CRIP2: variants seen among roughly 807,000 people sequenced by gnomAD.
CRIP2 encodes the protein cysteine-rich protein 2.
A neutral mutation model predicts 31.3 loss-of-function variants in CRIP2; 31 were observed. The ratio of observed to expected loss-of-function variants is 0.99; its 90% CI spans 0.74 to 1.34. The LOEUF is 1.34. Ranked by LOEUF, CRIP2 falls within the 40% of genes most tolerant of loss-of-function variation. The pLI, the probability that CRIP2 is intolerant of heterozygous loss-of-function variation, is 0.00. For missense variants in CRIP2, 389 were observed against 301.6 expected, an observed-to-expected ratio of 1.29 and a Z score of -2.15; for synonymous variants, 177 against 127.2, an observed-to-expected ratio of 1.39 and a Z score of -2.63.
At chr14:105,479,265 G>A (rs925891188) in intron 6 of CRIP2, 46 bp downstream of exon 6, 2 of 1,546,548 alleles carry the variant, frequency 1.3e-6, no homozygotes, top group Non-Finnish European at 1.8e-6. Context: ...GGGGCGCGGG[G>A]TCGGGGGGAT....
chr14:105,474,281 G>C (rs1555435268), upstream of CRIP2: 1 of 151,180 alleles, frequency 6.6e-6, no homozygotes, highest in African/African-American at 2.4e-5. This position sits in a 1 kb window ranked among gnomAD's most constrained non-coding sequence, Gnocchi z 5.1. Flanking sequence ...TGCCCGCCGG[G>C]AATCTGACTC....
In CRIP2 at chr14:105,476,730, C is replaced by T. The variant is rs1421837579; in HGVS notation, c.44-1536C>T. 4.1e-6 allele frequency: 4 copies of T among 985,508 alleles called. No individual in the cohort carries two copies. The African/African-American group carries it at 5.2e-5, about 13-fold the overall frequency. The allele number at this position is 985,508 out of a possible 1,614,324, so 61.0% of individuals were successfully genotyped here. ...ACGCCTGCCCACCGTGCAGCCAGCCCCTGCCTGCCCTGGTGTGTCCCAGCT... is the reference window on the plus strand; with the variant it reads ...ACGCCTGCCCACCGTGCAGCCAGCCTCTGCCTGCCCTGGTGTGTCCCAGCT... On this transcript the variant is annotated intron_variant, in intron 1 of 7. Coordinates refer to ENST00000329146, the MANE Select transcript of CRIP2 (RefSeq NM_001312.4).
At position 105,479,730 on chromosome 14, in the gene CRIP2, A is replaced by G; in HGVS notation, c.*77A>G. On this transcript the variant is annotated 3_prime_UTR_variant, in exon 8 of 8. Coordinates refer to ENST00000329146, the MANE Select transcript of CRIP2 (RefSeq NM_001312.4). ...GGCCCCCCTGCTTGGCTCTGCTGGG[A>G]GAGTGCTCAGCCGCCCAGTCCTGCC... 1 of 1,479,970 alleles carries G rather than the reference A, an allele frequency of 6.8e-7. No homozygotes were observed. The highest frequency in any genetic ancestry group is 1.2e-5 in the South Asian group (1 of 83,638). 91.7% of individuals were successfully genotyped at this position (1,479,970 alleles called of 1,614,324 possible).
chr14:105,478,739 A>G lies in CRIP2; in HGVS notation c.205A>G (p.Ile69Val), dbSNP rs1317293715. ...ATLFGPKGVNIGGAGSYIYEK... is the reference protein window; with the variant it reads ...ATLFGPKGVNVGGAGSYIYEK... Reference sequence around the variant, plus strand: ...CGTACCCCCACCCGCAGGCGTGAACATCGGGGGCGCGGGCTCCTACATCTA... The same window carrying G: ...CGTACCCCCACCCGCAGGCGTGAACGTCGGGGGCGCGGGCTCCTACATCTA... The change falls in exon 4 of 8, where the codon ATC (isoleucine) becomes GTC (valine). Residue 69 changes from isoleucine to valine, a missense_variant. Transcript: ENST00000329146. The surrounding 1 kb of genome is among the most constrained non-coding windows in gnomAD (Gnocchi z 4.9). 7.0e-7 allele frequency: 1 copy of G among 1,425,282 alleles called. No homozygotes were observed. The highest frequency in any genetic ancestry group is 9.1e-7 in the Non-Finnish European group (1 of 1,094,506). 88.3% of individuals were successfully genotyped at this position (1,425,282 alleles called of 1,614,324 possible).
Position 105,478,417 on chromosome 14 carries a change from A to G in CRIP2, c.139-33A>G. The G allele has an allele frequency of 6.3e-7, 1 of 1,591,262 alleles. No individual in the cohort carries two copies. Among genetic ancestry groups the G allele is most frequent in the South Asian group, 1.1e-5 (1 of 89,316 alleles). ...GGGGGTCGCGACTCCCGCCACCCTC[A>G]GGCAGGGTCCTGACCCGCGCCCCTC... On this transcript the variant is annotated intron_variant, in intron 2 of 7. Coordinates refer to ENST00000329146, the MANE Select transcript of CRIP2 (RefSeq NM_001312.4). The surrounding 1 kb of genome is among the most constrained non-coding windows in gnomAD (Gnocchi z 4.9).
chr14:105,477,350 G>A lies in CRIP2; in HGVS notation c.44-916G>A, dbSNP rs893283764. ...TGCCAGTGGCAGCCAGGGGCATTAC[G>A]GCGGGGGGAGAGCTCAGGGTTTAGG... On this transcript the variant is annotated intron_variant, in intron 1 of 7. Coordinates refer to ENST00000329146, the MANE Select transcript of CRIP2 (RefSeq NM_001312.4). 9.1e-6 allele frequency: 9 copies of A among 985,282 alleles called. No homozygotes were observed. The South Asian group carries it at 1.9e-4, about 21-fold the overall frequency. The allele number at this position is 985,282 out of a possible 1,614,324, so 61.0% of individuals were successfully genotyped here.
In CRIP2 at chr14:105,474,960, C is replaced by T; in HGVS notation, c.43+55C>T. 1 of 1,437,628 alleles carries T rather than the reference C, an allele frequency of 7.0e-7. No individual in the cohort carries two copies. Among genetic ancestry groups the T allele is most frequent in the Non-Finnish European group, 9.2e-7 (1 of 1,090,738 alleles). The allele number at this position is 1,437,628 out of a possible 1,614,324, so 89.1% of individuals were successfully genotyped here. A position where few individuals can be genotyped will look rare whatever the true frequency, so the allele number is the denominator to read the frequency against. Reference sequence around the variant, plus strand: ...GGTGCATCCCGCCGCCCTTCGCGGCCAGTCCCGCGCCGCAGAGCCGCGGCG... The same window carrying T: ...GGTGCATCCCGCCGCCCTTCGCGGCTAGTCCCGCGCCGCAGAGCCGCGGCG... On this transcript the variant is annotated intron_variant, in intron 1 of 7. Coordinates refer to ENST00000329146, the MANE Select transcript of CRIP2 (RefSeq NM_001312.4). This position sits in a 1 kb window ranked among gnomAD's most constrained non-coding sequence, Gnocchi z 5.1.
At chr14:105,474,803 G>GGGC (rs782696166), upstream of CRIP2, 25 of 1,284,858 alleles carry the variant, frequency 1.9e-5, no homozygotes, top group South Asian at 1.6e-4. The surrounding 1 kb of genome is among the most constrained non-coding windows in gnomAD (Gnocchi z 5.1). Flanking sequence ...GGCTGGGCGC[G>GGGC]GGCGGCGGCG....
chr14:105,479,134 T>C lies in CRIP2; in HGVS notation c.416T>C (p.Val139Ala). ...TCCTCCCCCTTTCCAGCTGAGAAGGTGACGTCTCTGGGCAAGGATTGGCAC... is the reference window on the plus strand; with the variant it reads ...TCCTCCCCCTTTCCAGCTGAGAAGGCGACGTCTCTGGGCAAGGATTGGCAC... ...CSKKVYFAEK[V>A]TSLGKDWHRP... Residue 139 changes from valine to alanine, a missense_variant, in exon 6 of 8, where the codon GTG (valine) becomes GCG (alanine). Transcript: ENST00000329146. The C allele has an allele frequency of 1.2e-6, 2 of 1,611,270 alleles. No individual in the cohort carries two copies. Among genetic ancestry groups the C allele is most frequent in the South Asian group, 1.1e-5 (1 of 91,050 alleles).
rs2083984992 is a variant in CRIP2 at position 105,478,004 on chromosome 14, C to G, written c.44-262C>G. 6.6e-6 allele frequency among the ~76,000 whole-genome samples: 1 copy of G among 151,552 alleles called. No individual in the cohort carries two copies. Among genetic ancestry groups the G allele is most frequent in the African/African-American group, 2.4e-5 (1 of 41,186 alleles). ...ACTGAGGGGACTAACAGGGCAGCCC[C>G]GGGCCCCTTCTCAAAGGCGGCTCTA... On this transcript the variant is annotated intron_variant, in intron 1 of 7. Transcript: ENST00000329146. The surrounding 1 kb of genome is among the most constrained non-coding windows in gnomAD (Gnocchi z 4.9).
chr14:105,479,029 A>T lies in CRIP2; in HGVS notation c.388A>T (p.Ser130Cys). The change falls in exon 5 of 8, where the codon AGC becomes TGC. Residue 130 changes from serine to cysteine, a missense_variant. Transcript: ENST00000329146. ...TGEPNTCPRC[S>C]KKVYFAEKVT... ...GGAGCCCAACACGTGCCCGCGCTGC[A>T]GCAAGAAGGTGTACTTCGGTGAGTG... 1 of 1,582,584 alleles carries T rather than the reference A, an allele frequency of 6.3e-7. No individual in the cohort carries two copies. The highest frequency in any genetic ancestry group is 8.6e-7 in the Non-Finnish European group (1 of 1,166,842).
rs1328427391 is a variant in CRIP2, at chr14:105,478,859, G to T, written c.325G>T (p.Gly109Trp). ...GCGGAAGGCGAGCGGCCCCCCGAAG[G>T]GGCCCAGCAGAGGTGGGCTGGGCGC... ...EERKASGPPK[G>W]PSRASSVTTF... is the part of the protein sequence containing the mutation. The change falls in exon 4 of 8, where the codon GGG (glycine) becomes TGG (tryptophan). Residue 109 changes from glycine to tryptophan, a missense_variant. Transcript: ENST00000329146. This position sits in a 1 kb window ranked among gnomAD's most constrained non-coding sequence, Gnocchi z 4.9. The T allele has an allele frequency of 2.8e-6, 4 of 1,426,890 alleles. No individual in the cohort carries two copies. The highest frequency in any genetic ancestry group is 3.6e-6 in the Non-Finnish European group (4 of 1,101,226). 88.4% of individuals were successfully genotyped at this position (1,426,890 alleles called of 1,614,324 possible). A position where few individuals can be genotyped will look rare whatever the true frequency, so the allele number is the denominator to read the frequency against.
intron 1 of CRIP2, chr14:105,477,721 G>T (rs2141753486): frequency 1.6e-6 from 1 of 609,152 alleles, no homozygotes; most frequent in Non-Finnish European, 2.0e-6. Context: ...GTGTGTGTGG[G>T]GGGAAGCGGG....
chr14:105,478,722 C>T lies in CRIP2; in HGVS notation c.197-9C>T. ...CACGTACCCCCGCCCCACGTACCCCCACCCGCAGGCGTGAACATCGGGGGC... is the reference window on the plus strand; with the variant it reads ...CACGTACCCCCGCCCCACGTACCCCTACCCGCAGGCGTGAACATCGGGGGC... On this transcript the variant is annotated splice_polypyrimidine_tract_variant and intron_variant, in intron 3 of 7. Coordinates refer to ENST00000329146, the MANE Select transcript of CRIP2 (RefSeq NM_001312.4). The surrounding 1 kb of genome is among the most constrained non-coding windows in gnomAD (Gnocchi z 4.9). The T allele has an allele frequency of 7.0e-7, 1 of 1,435,232 alleles. No homozygotes were observed. The highest frequency in any genetic ancestry group is 9.1e-7 in the Non-Finnish European group (1 of 1,098,950). 88.9% of individuals were successfully genotyped at this position (1,435,232 alleles called of 1,614,324 possible).
At chr14:105,479,077 G>T (rs781910273) in intron 5 of CRIP2, 30 bp downstream of exon 5, 47 of 1,401,460 alleles carry the variant, frequency 3.4e-5, no homozygotes, top group Non-Finnish European at 4.6e-5. Context: ...CCGGACCCCC[G>T]CCCCCGCCCC....
chr14:105,473,219 G>A (rs587612655), upstream of CRIP2: 3 of 1,533,136 alleles, frequency 2.0e-6, no homozygotes, highest in Non-Finnish European at 2.6e-6. Flanking sequence ...TGCCAGGGAG[G>A]AAGGGCTGCC....
rs2083986567 is a variant in CRIP2 at position 105,478,042 on chromosome 14, G to A, written c.44-224G>A. On this transcript the variant is annotated intron_variant, in intron 1 of 7. Transcript: ENST00000329146. The surrounding 1 kb of genome is among the most constrained non-coding windows in gnomAD (Gnocchi z 4.9). ...AAAGGCGGCTCTAGCGGGGTTCCAG[G>A]GCTGGGGGCGCTGAGACCCAGAGGG... 6.6e-6 allele frequency among the ~76,000 whole-genome samples: 1 copy of A among 151,828 alleles called. No homozygotes were observed. Among genetic ancestry groups the A allele is most frequent in the African/African-American group, 2.4e-5 (1 of 41,294 alleles).
intron 1 of CRIP2, chr14:105,475,965 T>G: frequency 5.1e-6 from 5 of 985,576 alleles, no homozygotes; most frequent in Non-Finnish European, 6.0e-6. Flanking sequence ...CTTCCCCGGC[T>G]CACAGGCTGG....
chr14:105,473,591 G>T (rs2083877574), upstream of CRIP2: 5 of 1,453,320 alleles, frequency 3.4e-6, no homozygotes, highest in Non-Finnish European at 3.7e-6. Context: ...CATAGGGCCT[G>T]ATCACTGGGC....
Sources: gnomAD v4.1 joint callset for allele counts (sites outside exome capture counted in the v4.1 genomes callset) on GRCh38, gnomAD v4.1.1 for gene constraint, Gnocchi (gnomAD v3.1) non-coding constraint, MANE v1.5 for transcripts, NCBI Gene and HGNC (gene_info 2026-07-23, HGNC 2026-07-21) for gene names.